PPTC7: variants seen among roughly 807,000 people sequenced by gnomAD.
PPTC7 encodes protein phosphatase PTC7 homolog.
A neutral mutation model predicts 30.8 loss-of-function variants in PPTC7; 6 were observed. The observed-to-expected ratio is 0.19, with a 90% CI of 0.11 to 0.38. PPTC7 has a LOEUF of 0.38. PPTC7 is among the 10% of genes least tolerant of loss of function. The pLI is 1.00. For missense variants in PPTC7, 218 were observed against 404.8 expected, an observed-to-expected ratio of 0.54 and a Z score of 3.96; for synonymous variants, 163 against 168.1, an observed-to-expected ratio of 0.97 and a Z score of 0.23.
intron 1 of PPTC7, among the ~76,000 whole-genome samples, chr12:110,556,242 A>C (rs1190314366): frequency 6.6e-6 from 1 of 152,220 alleles, no homozygotes; most frequent in Non-Finnish European, 1.5e-5. Flanking sequence ...GCCAAGCAAA[A>C]CACCACTGAC....
chr12:110,562,799 G>GA (rs1324434673), intron 1 of PPTC7, among the ~76,000 whole-genome samples: 3 of 145,862 alleles, frequency 2.1e-5, no homozygotes, highest in African/African-American at 7.6e-5. Flanking sequence ...TCTCAAAAAA[G>GA]AAAAAAGAAG....
chr12:110,547,386 A>G (rs1287344623), intron 2 of PPTC7, among the ~76,000 whole-genome samples: 1 of 152,250 alleles, frequency 6.6e-6, no homozygotes, highest in Non-Finnish European at 1.5e-5. Flanking sequence ...CCACAAAAAC[A>G]GGGATAACAG....
intron 5 of PPTC7, 150 bp from the exon 6 acceptor site, chr12:110,537,245 T>C: frequency 1.9e-6 from 1 of 517,298 alleles, no homozygotes; most frequent in Non-Finnish European, 3.4e-6. Flanking sequence ...AAAAAAATAT[T>C]TGATTAAAAA....
intron 1 of PPTC7, among the ~76,000 whole-genome samples, chr12:110,582,156 C>CT (rs1156658827): frequency 2.0e-4 from 30 of 152,202 alleles, no homozygotes. Context: ...CTCGACCATT[C>CT]TATTTTGGAT....
intron 1 of PPTC7, among the ~76,000 whole-genome samples, chr12:110,563,445 C>T (rs2064455282): frequency 6.6e-6 from 1 of 152,056 alleles, no homozygotes; most frequent in Non-Finnish European, 1.5e-5. Flanking sequence ...GGTGAAACCC[C>T]ATTTCTATTA....
intron 1 of PPTC7, among the ~76,000 whole-genome samples, chr12:110,562,792 CAAAAA>C (rs2064449142): frequency 1.4e-5 from 2 of 143,192 alleles, no homozygotes; most frequent in Non-Finnish European, 3.1e-5. Context: ...GACTCTGTCT[CAAAAA>C]AGAAAAAAGA....
At chr12:110,574,141 TAAAAAA>T (rs58133391) in intron 1 of PPTC7, among the ~76,000 whole-genome samples, 1,179 of 37,424 alleles carry the variant, frequency 0.032, 12 homozygotes, top group African/African-American at 0.11. Context: ...CCACAATAAT[TAAAAAA>T]AAAAAAAAAA....
At chr12:110,551,594 A>G (rs909949636) in intron 2 of PPTC7, among the ~76,000 whole-genome samples, 195 bp downstream of exon 2, 2 of 151,926 alleles carry the variant, frequency 1.3e-5, no homozygotes, top group Non-Finnish European at 1.5e-5. Flanking sequence ...TGATCTGCCC[A>G]CCTCAGCCTC....
At chr12:110,580,711 A>C (rs923262644) in intron 1 of PPTC7, among the ~76,000 whole-genome samples, 1 of 151,696 alleles carries the variant, frequency 6.6e-6, no homozygotes. Flanking sequence ...CAAATCATCA[A>C]TCAAGTCACG....
chr12:110,540,611 C>CA (rs1020985196), intron 3 of PPTC7, among the ~76,000 whole-genome samples: 2 of 151,976 alleles, frequency 1.3e-5, no homozygotes, highest in African/African-American at 4.8e-5. Context: ...CCCGGCCTCC[C>CA]AAAGTGCTGG....
chr12:110,559,700 T>A (rs2135780455), intron 1 of PPTC7, among the ~76,000 whole-genome samples: 1 of 139,608 alleles, frequency 7.2e-6, no homozygotes, highest in South Asian at 2.2e-4. Context: ...CACCCCAGCC[T>A]GGGCGACAGA....
At chr12:110,541,825 C>T (rs2064262608) in intron 3 of PPTC7, among the ~76,000 whole-genome samples, 1 of 151,740 alleles carries the variant, frequency 6.6e-6, no homozygotes, top group Admixed American at 6.6e-5. Context: ...TATTAGTGTG[C>T]CTCATGTAAC....
chr12:110,543,412 AAC>A (rs2064278993), intron 3 of PPTC7, among the ~76,000 whole-genome samples: 1 of 152,066 alleles, frequency 6.6e-6, no homozygotes, highest in African/African-American at 2.4e-5. Context: ...AGGGACCATT[AAC>A]TAAGGAGATA....
chr12:110,538,313 C>T (rs1448500247), intron 4 of PPTC7, 40 bp from the exon 5 acceptor site: 1 of 1,588,542 alleles, frequency 6.3e-7, no homozygotes, highest in African/African-American at 1.3e-5. Context: ...CCATAATGCT[C>T]AAGACAGTAA....
chr12:110,543,954 A>G (rs1012371089), intron 3 of PPTC7, among the ~76,000 whole-genome samples: 3 of 152,178 alleles, frequency 2.0e-5, no homozygotes, highest in Middle Eastern at 3.2e-3. Context: ...AGAAGAATCA[A>G]ATGAAGAAAA....
At chr12:110,550,263 C>T (rs997245885) in intron 2 of PPTC7, among the ~76,000 whole-genome samples, 1 of 118,032 alleles carries the variant, frequency 8.5e-6, no homozygotes, top group Admixed American at 1.1e-4. Flanking sequence ...TGGAGTCTTG[C>T]TCTGTCGCCC....
chr12:110,564,768 A>C (rs180938781), intron 1 of PPTC7, among the ~76,000 whole-genome samples: 423 of 149,696 alleles, frequency 2.8e-3, no homozygotes, highest in Middle Eastern at 0.017. Flanking sequence ...ATATATATAC[A>C]CGTATATATA....
intron 1 of PPTC7, among the ~76,000 whole-genome samples, chr12:110,573,871 C>G (rs1593166438): frequency 6.6e-6 from 1 of 152,000 alleles, no homozygotes; most frequent in East Asian, 1.9e-4. Flanking sequence ...ATCCCAGCTA[C>G]TCGGGAGGCT....
At chr12:110,578,161 A>C (rs1407238003) in intron 1 of PPTC7, among the ~76,000 whole-genome samples, 2 of 152,190 alleles carry the variant, frequency 1.3e-5, no homozygotes, top group Non-Finnish European at 2.9e-5. Flanking sequence ...GGTGAAAAAA[A>C]CTAGACTCCA....
Sources: allele counts gnomAD v4.1 joint callset (sites outside exome capture counted in the v4.1 genomes callset), GRCh38; gene constraint gnomAD v4.1.1; transcripts MANE v1.5; gene names NCBI Gene and HGNC (gene_info 2026-07-23, HGNC 2026-07-21).